PUM3: variants seen among roughly 807,000 people sequenced by gnomAD.
PUM3 encodes pumilio RNA binding family member 3, also known as pumilio homolog 3.
Under a neutral mutation model 84.0 loss-of-function variants are expected in PUM3, and 91 were observed. The ratio of observed to expected loss-of-function variants is 1.08; its 90% CI spans 0.91 to 1.29. The LOEUF is 1.29. Ranked by LOEUF, PUM3 falls within the 50% of genes most tolerant of loss-of-function variation. The probability of loss-of-function intolerance (pLI) is 0.00; values close to 1 mark genes in which losing one functional copy is unlikely to be tolerated. For synonymous variants in PUM3, 321 were observed against 266.7 expected, an observed-to-expected ratio of 1.20 and a Z score of -1.98; for missense variants, 1,067 against 767.5, an observed-to-expected ratio of 1.39 and a Z score of -4.61.
intron 13 of PUM3, among the ~76,000 whole-genome samples, chr9:2,817,853 A>G (rs911003154): frequency 5.3e-5 from 8 of 152,200 alleles, no homozygotes; most frequent in African/African-American, 1.9e-4. Context: ...ATATGCATCA[A>G]TATTTATTCA....
intron 5 of PUM3, among the ~76,000 whole-genome samples, chr9:2,831,675 T>C: frequency 6.6e-6 from 1 of 152,184 alleles, no homozygotes; most frequent in Non-Finnish European, 1.5e-5. Flanking sequence ...TTTGATAAGT[T>C]ACCGTCCCTA....
chr9:2,804,565 C>G (rs1239077823), intron 17 of PUM3, 102 bp from the exon 18 acceptor site: 1 of 1,066,492 alleles, frequency 9.4e-7, no homozygotes, highest in East Asian at 2.5e-5. Flanking sequence ...TGACACAAGC[C>G]TTGTAACTAT....
At position 2,831,319 on chromosome 9, in the gene PUM3, C is replaced by A; in HGVS notation, c.542G>T (p.Arg181Leu). 3 of 1,607,404 alleles carry A rather than the reference C, an allele frequency of 1.9e-6. No individual in the cohort carries two copies. The highest frequency in any genetic ancestry group is 1.7e-6 in the Non-Finnish European group (2 of 1,177,814). The part of the protein sequence containing the change: ...KTIAFAHDST[R>L]VIQCYIQYGN... The stretch of plus-strand genomic sequence containing the variant: ...ATACTGAATGTAACACTGGATCACA[C>A]GAGTTGAATCGTGTGCAAATGCAAT... The change falls in exon 6 of 18, where the codon CGT becomes CTT. Residue 181 changes from arginine to leucine, a missense_variant. Transcript: ENST00000397885.
chr9:2,835,977 G>A (rs1816109296), intron 3 of PUM3, among the ~76,000 whole-genome samples: 1 of 152,104 alleles, frequency 6.6e-6, no homozygotes, highest in Non-Finnish European at 1.5e-5. Flanking sequence ...ATCTAGTAGA[G>A]AGGTTAGGAA....
At chr9:2,819,499 A>T (rs1484509585) in intron 13 of PUM3, among the ~76,000 whole-genome samples, 1 of 152,212 alleles carries the variant, frequency 6.6e-6, no homozygotes, top group African/African-American at 2.4e-5. Flanking sequence ...AAGCATCACA[A>T]CTGAGTGAGT....
intron 17 of PUM3, among the ~76,000 whole-genome samples, chr9:2,806,876 A>G (rs143789461): frequency 6.6e-6 from 1 of 152,336 alleles, no homozygotes; most frequent in African/African-American, 2.4e-5. Flanking sequence ...TTAAAAGTCA[A>G]CATTGTCACA....
At chr9:2,838,664 C>T in intron 1 of PUM3, 147 bp from the exon 2 acceptor site, 2 of 569,998 alleles carry the variant, frequency 3.5e-6, no homozygotes, top group Non-Finnish European at 6.3e-6. Context: ...GTACTTAAAT[C>T]CAGCAATTTT....
intron 11 of PUM3, 151 bp downstream of exon 11, chr9:2,824,566 A>C (rs763870297): frequency 9.6e-6 from 4 of 418,354 alleles, no homozygotes; most frequent in Non-Finnish European, 1.7e-5. Context: ...GCTCATTCCC[A>C]TCAGGCTCTA....
At chr9:2,814,971 C>G (rs1252925141) in intron 13 of PUM3, among the ~76,000 whole-genome samples, 3 of 152,120 alleles carry the variant, frequency 2.0e-5, no homozygotes, top group Non-Finnish European at 4.4e-5. Context: ...TGCTTAGGGA[C>G]TAATCCAACA....
chr9:2,835,459 A>T (rs955741040), intron 3 of PUM3, among the ~76,000 whole-genome samples: 1 of 152,230 alleles, frequency 6.6e-6, no homozygotes, highest in African/African-American at 2.4e-5. Flanking sequence ...CAATATGATT[A>T]GATTATGTTT....
At chr9:2,814,305 G>A (rs1485920820) in intron 13 of PUM3, among the ~76,000 whole-genome samples, 3 of 151,872 alleles carry the variant, frequency 2.0e-5, no homozygotes, top group Non-Finnish European at 4.4e-5. Flanking sequence ...TCTGCCTCCT[G>A]GGTTCAAGCA....
At chr9:2,827,212 A>C in intron 9 of PUM3, 61 bp from the exon 10 acceptor site, 1 of 1,195,440 alleles carries the variant, frequency 8.4e-7, no homozygotes, top group East Asian at 2.4e-5. Flanking sequence ...TCATACAAAG[A>C]CAGGTAATCT....
chr9:2,831,555 G>A (rs1240836709), intron 5 of PUM3, among the ~76,000 whole-genome samples: 1 of 152,092 alleles, frequency 6.6e-6, no homozygotes, highest in East Asian at 1.9e-4. Flanking sequence ...GTACAATAAT[G>A]ACATTGAGGC....
intron 12 of PUM3, among the ~76,000 whole-genome samples, chr9:2,822,069 C>T (rs1380075566): frequency 6.6e-6 from 1 of 152,118 alleles, no homozygotes; most frequent in East Asian, 1.9e-4. Flanking sequence ...CACACATAAG[C>T]ATAACCAAGC....
At chr9:2,828,600 CT>C (rs1815885794) in intron 9 of PUM3, 74 bp downstream of exon 9, 3 of 870,150 alleles carry the variant, frequency 3.4e-6, no homozygotes, top group East Asian at 4.9e-5. Flanking sequence ...GCTACCTCTT[CT>C]GGGCAACAGT....
chr9:2,809,872 TA>T (rs1023014123), intron 16 of PUM3, among the ~76,000 whole-genome samples: 3 of 152,150 alleles, frequency 2.0e-5, no homozygotes, highest in Non-Finnish European at 4.4e-5. Flanking sequence ...CAATGCCAAA[TA>T]AACAGGCACT....
chr9:2,839,888 A>T (rs1474577623), intron 1 of PUM3, among the ~76,000 whole-genome samples: 3 of 152,248 alleles, frequency 2.0e-5, no homozygotes, highest in Admixed American at 6.5e-5. Flanking sequence ...AAAGATACAC[A>T]GTTCACATAT....
chr9:2,842,506 T>C (rs939313453), intron 1 of PUM3, among the ~76,000 whole-genome samples: 1 of 152,144 alleles, frequency 6.6e-6, no homozygotes, highest in African/African-American at 2.4e-5. Flanking sequence ...CCATTCTCTC[T>C]ACCAACACAA....
intron 1 of PUM3, among the ~76,000 whole-genome samples, chr9:2,841,273 T>C (rs1341164150): frequency 6.6e-6 from 1 of 152,222 alleles, no homozygotes; most frequent in Non-Finnish European, 1.5e-5. Context: ...TTTGTATCCA[T>C]TCAAAATACT....
Sources: allele counts gnomAD v4.1 joint callset (sites outside exome capture counted in the v4.1 genomes callset), GRCh38; gene constraint gnomAD v4.1.1; transcripts MANE v1.5; gene names NCBI Gene and HGNC (gene_info 2026-07-23, HGNC 2026-07-21).